CDH13: variants seen among roughly 807,000 people sequenced by gnomAD.
CDH13 encodes the protein cadherin-13.
CDH13 carries 24 observed loss-of-function variants against 63.8 expected under a neutral mutation model. The ratio of observed to expected loss-of-function variants is 0.38; its 90% confidence interval spans 0.27 to 0.53. CDH13 has a LOEUF of 0.53. CDH13 is among the 20% of genes least tolerant of loss of function. CDH13 has a pLI of 0.85. For synonymous variants in CDH13, 503 were observed against 355.3 expected, an observed-to-expected ratio of 1.42 and a Z score of -4.67; for missense variants, 1,049 against 903.1, an observed-to-expected ratio of 1.16 and a Z score of -2.07.
chr16:83,567,865 G>C (rs1044352606), intron 7 of CDH13, among the ~76,000 whole-genome samples: 1 of 151,696 alleles, frequency 6.6e-6, no homozygotes, highest in Non-Finnish European at 1.5e-5. Context: ...AAAGTGCTGG[G>C]ATTACAGGCA....
intron 1 of CDH13, among the ~76,000 whole-genome samples, chr16:82,676,935 G>A (rs35557687): frequency 0.16 from 24,749 of 152,106 alleles, 2,410 homozygotes; most frequent in East Asian, 0.4. Flanking sequence ...CCAGGCTAGA[G>A]TGCAGTGGCG....
intron 2 of CDH13, among the ~76,000 whole-genome samples, chr16:82,950,360 C>A (rs1036661538): frequency 6.6e-6 from 1 of 152,078 alleles, no homozygotes; most frequent in Admixed American, 6.5e-5. Flanking sequence ...TATGGTTTGG[C>A]TGTGTCCCCA....
At chr16:83,506,462 T>G (rs1418676398) in intron 7 of CDH13, among the ~76,000 whole-genome samples, 2 of 152,200 alleles carry the variant, frequency 1.3e-5, no homozygotes, top group Non-Finnish European at 2.9e-5. Context: ...GACCCATGCT[T>G]TCTGGCTTTA....
chr16:83,191,522 CACACACACATAT>C lies in CDH13; in HGVS notation c.484-25821_484-25810del, dbSNP rs1371875321. 1.5e-3 allele frequency among the ~76,000 whole-genome samples: 135 copies of C among 90,040 alleles called. 1 individual carries two copies. The highest frequency in any genetic ancestry group is 6.1e-3 in the African/African-American group (123 of 20,048). The allele number at this position is 90,040 out of a possible 152,430, so 59.1% of individuals were successfully genotyped here. A position where few individuals can be genotyped will look rare whatever the true frequency, so the allele number is the denominator to read the frequency against. ...ATATATATACACACACACACACACA[CACACACACATAT>C]ATATATATATATATATATATATACA... On this transcript the variant is annotated intron_variant, in intron 4 of 13. Coordinates refer to ENST00000567109, the MANE Select transcript of CDH13 (RefSeq NM_001257.5).
intron 2 of CDH13, among the ~76,000 whole-genome samples, chr16:83,021,029 A>G (rs922814401): frequency 1.3e-5 from 2 of 152,216 alleles, no homozygotes; most frequent in Non-Finnish European, 2.9e-5. Flanking sequence ...TTTAAAAACT[A>G]AGGGCCTTGT....
chr16:83,067,873 C>G (rs1280825276), intron 3 of CDH13, among the ~76,000 whole-genome samples: 2 of 152,146 alleles, frequency 1.3e-5, no homozygotes, highest in Non-Finnish European at 2.9e-5. Flanking sequence ...CTCCCATCCC[C>G]TCTATCCTCC....
chr16:82,761,360 A>T lies in CDH13; in HGVS notation c.46-97002A>T, dbSNP rs570359036. Reference sequence around the variant, plus strand: ...TTTGGAGGTGACAAATATCCAAATCATGTCACAACCAGTAGGATAAATACT... The same window carrying T: ...TTTGGAGGTGACAAATATCCAAATCTTGTCACAACCAGTAGGATAAATACT... On this transcript the variant is annotated intron_variant, in intron 1 of 13. Transcript: ENST00000567109. 2.0e-5 allele frequency among the ~76,000 whole-genome samples: 3 copies of T among 152,252 alleles called. No individual in the cohort carries two copies. The South Asian group carries it at 6.2e-4, about 32-fold the overall frequency.
chr16:82,980,340 G>T (rs2151384660), intron 2 of CDH13, among the ~76,000 whole-genome samples: 1 of 152,260 alleles, frequency 6.6e-6, no homozygotes, highest in Admixed American at 6.5e-5. Context: ...TGCTTTGGCT[G>T]GGTCCGTAAA....
intron 6 of CDH13, among the ~76,000 whole-genome samples, chr16:83,392,965 G>A (rs886800074): frequency 1.3e-5 from 2 of 152,022 alleles, no homozygotes; most frequent in African/African-American, 4.8e-5. Flanking sequence ...GAGGCCCAGG[G>A]GAGGGCATAG....
At chr16:83,302,706 T>C (rs929079806) in intron 5 of CDH13, among the ~76,000 whole-genome samples, 1 of 151,900 alleles carries the variant, frequency 6.6e-6, no homozygotes, top group Non-Finnish European at 1.5e-5. Flanking sequence ...GTCAACAAGA[T>C]TACAAAATAA....
At chr16:82,870,784 T>A (rs1351087488) in intron 2 of CDH13, among the ~76,000 whole-genome samples, 1 of 152,222 alleles carries the variant, frequency 6.6e-6, no homozygotes, top group Non-Finnish European at 1.5e-5. Context: ...CCCATAAAAA[T>A]TTAAATTACT....
intron 3 of CDH13, among the ~76,000 whole-genome samples, chr16:83,056,574 T>G (rs182388966): frequency 6.6e-6 from 1 of 152,318 alleles, no homozygotes; most frequent in East Asian, 1.9e-4. Flanking sequence ...GAAATGAAGT[T>G]CAACAGCAGG....
At chr16:83,227,173 C>G (rs905241644) in intron 5 of CDH13, among the ~76,000 whole-genome samples, 6 of 152,134 alleles carry the variant, frequency 3.9e-5, no homozygotes, top group Non-Finnish European at 8.8e-5. Flanking sequence ...GGGTCAGAAC[C>G]CGGATGCAAG....
At chr16:83,067,011 C>T (rs1279143122) in intron 3 of CDH13, among the ~76,000 whole-genome samples, 2 of 152,176 alleles carry the variant, frequency 1.3e-5, no homozygotes, top group East Asian at 3.9e-4. Flanking sequence ...GCAAAGTTGC[C>T]TCCAGGAGGC....
At chr16:82,898,329 A>T (rs2041338593) in intron 2 of CDH13, among the ~76,000 whole-genome samples, 1 of 152,182 alleles carries the variant, frequency 6.6e-6, no homozygotes, top group Non-Finnish European at 1.5e-5. Flanking sequence ...GTCTGAGACC[A>T]GCCTGGCCAA....
intron 4 of CDH13, among the ~76,000 whole-genome samples, chr16:83,162,625 C>T (rs955207816): frequency 1.3e-5 from 2 of 150,768 alleles, no homozygotes; most frequent in African/African-American, 2.4e-5. Flanking sequence ...TGAAGAGGTC[C>T]TCAAATTTCA....
At chr16:82,814,994 G>A (rs780062521) in intron 1 of CDH13, among the ~76,000 whole-genome samples, 1 of 152,178 alleles carries the variant, frequency 6.6e-6, no homozygotes, top group Non-Finnish European at 1.5e-5. Flanking sequence ...GTGTGTGACA[G>A]TAGGTAAAAC....
At chr16:83,482,127 C>T (rs2073783392) in intron 6 of CDH13, among the ~76,000 whole-genome samples, 1 of 152,216 alleles carries the variant, frequency 6.6e-6, no homozygotes. Flanking sequence ...GCACGTTGCT[C>T]AGTTGTTCAT....
intron 4 of CDH13, among the ~76,000 whole-genome samples, chr16:83,163,440 C>G (rs532658406): frequency 6.6e-6 from 1 of 152,022 alleles, no homozygotes; most frequent in Non-Finnish European, 1.5e-5. Flanking sequence ...GTGAACCGCC[C>G]GCTAACCTCC....
Sources: allele counts gnomAD v4.1 joint callset (sites outside exome capture counted in the v4.1 genomes callset), GRCh38; gene constraint gnomAD v4.1.1; transcripts MANE v1.5; gene names NCBI Gene and HGNC (gene_info 2026-07-23, HGNC 2026-07-21).